PDE3A: variants seen among roughly 807,000 people sequenced by gnomAD.
The protein encoded by PDE3A is cGMP-inhibited 3',5'-cyclic phosphodiesterase 3A.
A neutral mutation model predicts 98.3 loss-of-function variants in PDE3A; 43 were observed. That is an observed-to-expected ratio of 0.44 (90% CI 0.34 to 0.56). PDE3A has a LOEUF of 0.56. PDE3A is among the 20% of genes least tolerant of loss of function. The pLI, the probability that PDE3A is intolerant of heterozygous loss-of-function variation, is 0.01. For synonymous variants in PDE3A, 663 were observed against 567.9 expected (o/e 1.17, Z -2.38); for missense variants, 1,427 against 1,440.7 (o/e 0.99, Z 0.15).
chr12:20,508,700 C>G (rs1028077048), intron 1 of PDE3A, among the ~76,000 whole-genome samples: 2 of 151,848 alleles, frequency 1.3e-5, no homozygotes, highest in African/African-American at 4.8e-5. Context: ...TGCAATTGTA[C>G]TACCTGGGAT....
At chr12:20,403,695 C>T (rs1295417318) in intron 1 of PDE3A, among the ~76,000 whole-genome samples, 1 of 152,052 alleles carries the variant, frequency 6.6e-6, no homozygotes, top group African/African-American at 2.4e-5. Flanking sequence ...GTATGACAAC[C>T]TACATTTTGT....
intron 1 of PDE3A, among the ~76,000 whole-genome samples, chr12:20,504,083 A>G (rs147127264): frequency 3.3e-5 from 5 of 152,276 alleles, no homozygotes; most frequent in African/African-American, 9.6e-5. Context: ...GATCTGGGAA[A>G]GTGGATGTTA....
chr12:20,639,206 C>A (rs1285294971), intron 9 of PDE3A, among the ~76,000 whole-genome samples: 1 of 151,880 alleles, frequency 6.6e-6, no homozygotes, highest in East Asian at 1.9e-4. Context: ...ACAATTTGAC[C>A]AAAATTGCTA....
At chr12:20,618,740 G>A (rs1411417634) in intron 4 of PDE3A, among the ~76,000 whole-genome samples, 1 of 152,082 alleles carries the variant, frequency 6.6e-6, no homozygotes, top group Non-Finnish European at 1.5e-5. Context: ...ATAGGCTTTA[G>A]AGAAATAGGA....
At chr12:20,526,615 G>A (rs571249139) in intron 1 of PDE3A, among the ~76,000 whole-genome samples, 2 of 152,070 alleles carry the variant, frequency 1.3e-5, no homozygotes, top group Non-Finnish European at 2.9e-5. Context: ...CAAGGCATGT[G>A]GTATTTGCGA....
intron 1 of PDE3A, among the ~76,000 whole-genome samples, chr12:20,516,337 T>C (rs1165553724): frequency 2.0e-5 from 3 of 152,188 alleles, no homozygotes; most frequent in Non-Finnish European, 4.4e-5. Context: ...TCTTGTTTAA[T>C]AGAGTGGCAC....
intron 1 of PDE3A, among the ~76,000 whole-genome samples, chr12:20,533,642 A>G (rs1359128270): frequency 1.3e-5 from 2 of 151,252 alleles, no homozygotes; most frequent in African/African-American, 4.9e-5. Context: ...CACCACACCC[A>G]GCTAATTTTT....
At position 20,683,631 on chromosome 12, in the gene PDE3A, T is replaced by C. The variant is rs1945858850; in HGVS notation, c.*3360T>C. ...ATAAAAGCACCACTTTTGCTTTTGT[T>C]AGCTGTAATATTTTTTGTCATTTAG... On this transcript the variant is annotated 3_prime_UTR_variant, in exon 16 of 16. Coordinates refer to ENST00000359062, the MANE Select transcript of PDE3A (RefSeq NM_000921.5). The C allele has an allele frequency of 6.6e-6, 1 of 152,182 alleles. No individual in the cohort carries two copies. The highest frequency in any genetic ancestry group is 2.1e-4 in the South Asian group (1 of 4,830). The allele number at this position is 152,182 out of a possible 1,614,324, so 9.4% of individuals were successfully genotyped here.
At chr12:20,426,774 T>A (rs1473920337) in intron 1 of PDE3A, among the ~76,000 whole-genome samples, 1 of 152,212 alleles carries the variant, frequency 6.6e-6, no homozygotes, top group South Asian at 2.1e-4. Context: ...CAGTGCTGAG[T>A]CTTGCAGCAA....
intron 1 of PDE3A, among the ~76,000 whole-genome samples, chr12:20,534,551 A>C (rs1335092018): frequency 6.6e-6 from 1 of 152,182 alleles, no homozygotes; most frequent in Non-Finnish European, 1.5e-5. Flanking sequence ...CTTTAAGTGC[A>C]ATGTCCTGAG....
At chr12:20,503,007 T>C (rs938013693) in intron 1 of PDE3A, among the ~76,000 whole-genome samples, 2 of 152,138 alleles carry the variant, frequency 1.3e-5, no homozygotes, top group Non-Finnish European at 2.9e-5. Context: ...CGTTGGATTA[T>C]TGTGAAGCCT....
intron 1 of PDE3A, among the ~76,000 whole-genome samples, chr12:20,384,166 A>T (rs1943706602): frequency 6.7e-6 from 1 of 148,356 alleles, no homozygotes; most frequent in South Asian, 2.2e-4. Flanking sequence ...TGCTTTAAAA[A>T]TATCTGATTG....
intron 1 of PDE3A, among the ~76,000 whole-genome samples, chr12:20,447,434 C>T (rs754341488): frequency 3.9e-5 from 6 of 152,166 alleles, no homozygotes; most frequent in Non-Finnish European, 8.8e-5. Flanking sequence ...CTTTCAGCCC[C>T]ATCTCTCAAC....
chr12:20,418,909 G>A (rs141306840), intron 1 of PDE3A, among the ~76,000 whole-genome samples: 42 of 151,784 alleles, frequency 2.8e-4, no homozygotes, highest in Admixed American at 4.6e-4. Context: ...TTAATATTCC[G>A]TATATGACTG....
At chr12:20,431,431 G>A (rs1224755651) in intron 1 of PDE3A, among the ~76,000 whole-genome samples, 1 of 152,102 alleles carries the variant, frequency 6.6e-6, no homozygotes, top group Non-Finnish European at 1.5e-5. Context: ...GGAGAAAAAG[G>A]TTTTTATTAG....
At position 20,556,511 on chromosome 12, in the gene PDE3A, C is replaced by T. The variant is rs11045305; in HGVS notation, c.961-149C>T. 1.8e-3 allele frequency: 1,106 copies of T among 617,106 alleles called. 12 individuals are homozygous for T. In the African/African-American group the frequency reaches 0.019, roughly 10 times the overall value. The allele number at this position is 617,106 out of a possible 1,614,324, so 38.2% of individuals were successfully genotyped here. A position where few individuals can be genotyped will look rare whatever the true frequency, so the allele number is the denominator to read the frequency against. On this transcript the variant is annotated intron_variant, in intron 1 of 15. Coordinates refer to ENST00000359062, the MANE Select transcript of PDE3A (RefSeq NM_000921.5). ...TAGCTATCAAACCAGGAGTTTGCTA[C>T]TAATTTAGGTATGTTAATTTATTCA...
chr12:20,629,687 G>A (rs1442768032), intron 5 of PDE3A, among the ~76,000 whole-genome samples: 2 of 152,070 alleles, frequency 1.3e-5, no homozygotes, highest in Non-Finnish European at 2.9e-5. Context: ...TGCCAACATT[G>A]CCACTATTTT....
intron 15 of PDE3A, among the ~76,000 whole-genome samples, chr12:20,672,416 G>T (rs1052351990): frequency 6.3e-5 from 1 of 15,940 alleles, no homozygotes; most frequent in African/African-American, 3.0e-4. Flanking sequence ...AAGAACAAAG[G>T]CTGGAGGCAT....
Position 20,639,936 on chromosome 12 carries a change from A to T in PDE3A, c.2230A>T (p.Ile744Phe), listed in dbSNP as rs1165091267. ...TATGAATTATTTTCATGCTTTGGAG[A>T]TTGGATATAGGGATATTCCTTGTAA... The part of the protein sequence containing the change: ...EFMNYFHALE[I>F]GYRDIPYHNR... The change falls in exon 10 of 16, where the codon ATT becomes TTT. Residue 744 changes from isoleucine (I) to phenylalanine (F), a missense_variant. By Grantham distance (21) the Ile-to-Phe change is conservative. Transcript: ENST00000359062. 1.4e-6 allele frequency: 2 copies of T among 1,437,010 alleles called. No homozygotes were observed. Among genetic ancestry groups the T allele is most frequent in the Admixed American group, 3.3e-5 (2 of 59,712 alleles). 89.0% of individuals were successfully genotyped at this position (1,437,010 alleles called of 1,614,324 possible).
Sources: gnomAD v4.1 joint callset for allele counts (sites outside exome capture counted in the v4.1 genomes callset) on GRCh38, gnomAD v4.1.1 for gene constraint, MANE v1.5 for transcripts, NCBI Gene and HGNC (gene_info 2026-07-23, HGNC 2026-07-21) for gene names.